DNAAF5: variants seen among roughly 807,000 people sequenced by gnomAD.
The protein encoded by DNAAF5 is HEAT repeat containing 2.
Under a neutral mutation model 75.8 loss-of-function variants are expected in DNAAF5, and 64 were observed. The ratio of observed to expected loss-of-function variants is 0.84; its 90% confidence interval spans 0.69 to 1.04. The LOEUF (loss-of-function observed/expected upper bound fraction) is 1.04. Among genes scored for constraint, DNAAF5 ranks in the 50% least tolerant of loss-of-function variants. DNAAF5 has a pLI of 0.00. For missense variants in DNAAF5, 1,269 were observed against 1,178.5 expected (o/e 1.08, Z -1.12); for synonymous variants, 657 against 557.2 (o/e 1.18, Z -2.52).
At chr7:769,322 C>A (rs1778473502) in intron 8 of DNAAF5, 6 of 649,528 alleles carry the variant, frequency 9.2e-6, no homozygotes, top group Middle Eastern at 2.8e-4. Context: ...AGCTCCTGGG[C>A]CTGCAGGCTG....
rs534795463 is a variant in DNAAF5 at position 752,068 on chromosome 7, T to G, written c.1025-2521T>G. Among the ~76,000 whole-genome samples, 4 of 152,312 alleles carry G rather than the reference T, an allele frequency of 2.6e-5. No homozygotes were observed. The East Asian group carries it at 7.7e-4, about 29-fold the overall frequency. Reference sequence around the variant, plus strand: ...ACCACAGTCATGGGGCCACGTGGTGTTGGCTTTCAGACCGATGAGCAGAAC... The same window carrying G: ...ACCACAGTCATGGGGCCACGTGGTGGTGGCTTTCAGACCGATGAGCAGAAC... On this transcript the variant is annotated intron_variant, in intron 4 of 12. Coordinates refer to ENST00000297440, the MANE Select transcript of DNAAF5 (RefSeq NM_017802.4).
chr7:784,865 A>G (rs1779099198), intron 12 of DNAAF5, among the ~76,000 whole-genome samples: 1 of 152,132 alleles, frequency 6.6e-6, no homozygotes, highest in Non-Finnish European at 1.5e-5. Context: ...TCTGCCCACA[A>G]CTGCCAGGAG....
At chr7:784,187 C>T (rs1307216737) in intron 12 of DNAAF5, among the ~76,000 whole-genome samples, 3 of 152,202 alleles carry the variant, frequency 2.0e-5, no homozygotes, top group Non-Finnish European at 4.4e-5. Flanking sequence ...CACGCACCCT[C>T]CTCTGGCTGC....
At position 739,103 on chromosome 7, in the gene DNAAF5, C is replaced by CTGA. The variant is rs1562377082; in HGVS notation, c.781-1716_781-1715insTGA. On this transcript the variant is annotated intron_variant, in intron 2 of 12. Transcript: ENST00000297440. ...GGCTTGTCTCAGCCACGCCCTCTGC[C>CTGA]CCATCACTGTATACCTGTTTGGGCT... Among the ~76,000 whole-genome samples the CTGA allele has an allele frequency of 2.2e-3, 223 of 101,224 alleles. 1 individual carries two copies. Among genetic ancestry groups the CTGA allele is most frequent in the South Asian group, 4.0e-3 (8 of 2,020 alleles). 66.4% of individuals were successfully genotyped at this position (101,224 alleles called of 152,430 possible). A position where few individuals can be genotyped will look rare whatever the true frequency, so the allele number is the denominator to read the frequency against.
In DNAAF5 at chr7:727,091, G is replaced by A; in HGVS notation, c.371G>A (p.Arg124His). The change falls in exon 1 of 13, where the codon CGC (arginine) becomes CAC (histidine). Residue 124 changes from arginine to histidine, a missense_variant. Transcript: ENST00000297440. ...CGCCTGCTGCCCGCGCTCGCCGCGC[G>A]CTTGGCCGGCCCCGTGCCCGCGCGC... ...LPRLLPALAARLAGPVPARRP... is the reference protein window; with the variant it reads ...LPRLLPALAAHLAGPVPARRP... 1 of 1,055,228 alleles carries A rather than the reference G, an allele frequency of 9.5e-7. No individual in the cohort carries two copies. Among genetic ancestry groups the A allele is most frequent in the Non-Finnish European group, 1.1e-6 (1 of 878,264 alleles). The allele number at this position is 1,055,228 out of a possible 1,614,324, so 65.4% of individuals were successfully genotyped here.
intron 10 of DNAAF5, 148 bp downstream of exon 10, chr7:774,346 T>C: frequency 1.1e-6 from 1 of 880,064 alleles, no homozygotes; most frequent in Non-Finnish European, 1.7e-6. Context: ...CTCCCCACAC[T>C]GGCGGCGGAA....
intron 6 of DNAAF5, 46 bp from the exon 7 acceptor site, chr7:761,707 C>T (rs745331611): frequency 1.6e-5 from 25 of 1,551,784 alleles, no homozygotes; most frequent in Non-Finnish European, 2.1e-5. Context: ...GGTGGGGACA[C>T]GACCAAATTG....
intron 2 of DNAAF5, among the ~76,000 whole-genome samples, chr7:731,830 C>T (rs967084860): frequency 6.6e-6 from 1 of 152,122 alleles, no homozygotes; most frequent in Non-Finnish European, 1.5e-5. Context: ...ACGTGAGTTT[C>T]GTGTGGAGTC....
intron 4 of DNAAF5, among the ~76,000 whole-genome samples, chr7:753,057 C>G (rs770882933): frequency 1.3e-5 from 2 of 152,262 alleles, no homozygotes; most frequent in Non-Finnish European, 2.9e-5. Flanking sequence ...GAGCGTACCG[C>G]GTGCCGCTGA....
intron 8 of DNAAF5, among the ~76,000 whole-genome samples, chr7:770,041 T>TC (rs1778502538): frequency 6.6e-6 from 1 of 152,166 alleles, no homozygotes; most frequent in African/African-American, 2.4e-5. Flanking sequence ...AACCTCCACC[T>TC]CCCAGGTTCA....
chr7:774,766 C>G (rs1276452621), intron 10 of DNAAF5, among the ~76,000 whole-genome samples: 3 of 152,208 alleles, frequency 2.0e-5, no homozygotes, highest in Non-Finnish European at 2.9e-5. Context: ...AGCCATTACC[C>G]TGGTTTAGGG....
In DNAAF5 at chr7:755,618, G is replaced by A. The variant is rs150819512; in HGVS notation, c.1257+797G>A. Among the ~76,000 whole-genome samples, 13 of 152,276 alleles carry A rather than the reference G, an allele frequency of 8.5e-5. No individual in the cohort carries two copies. The East Asian group carries it at 2.5e-3, about 29-fold the overall frequency. Reference sequence around the variant, plus strand: ...GTAGTGGCGTGCACCTGTGGTTCCAGCTCCCGGGAGGCTGAGGTGGGAGGA... The same window carrying A: ...GTAGTGGCGTGCACCTGTGGTTCCAACTCCCGGGAGGCTGAGGTGGGAGGA... On this transcript the variant is annotated intron_variant, in intron 5 of 12. Transcript: ENST00000297440.
At chr7:781,069 ATG>A (rs1018107614) in intron 12 of DNAAF5, among the ~76,000 whole-genome samples, 3 of 152,092 alleles carry the variant, frequency 2.0e-5, no homozygotes, top group Admixed American at 1.3e-4. Context: ...TTATGTTTAA[ATG>A]TGTGATAAAT....
In DNAAF5 at chr7:775,174, C is replaced by T. The variant is rs780970194; in HGVS notation, c.2239+12C>T. 17 of 1,613,608 alleles carry T rather than the reference C, an allele frequency of 1.1e-5. No individual in the cohort carries two copies. Among genetic ancestry groups the T allele is most frequent in the Non-Finnish European group, 1.4e-5 (16 of 1,179,564 alleles). On this transcript the variant is annotated intron_variant, in intron 11 of 12. Coordinates refer to ENST00000297440, the MANE Select transcript of DNAAF5 (RefSeq NM_017802.4). ...CAGGATTTATCCTGGTAGGACATTT[C>T]TGTTGTTCACAGCCTGTGTATATGC...
chr7:755,992 A>C (rs1266306618), intron 5 of DNAAF5, among the ~76,000 whole-genome samples: 25 of 60,500 alleles, frequency 4.1e-4, no homozygotes, highest in Non-Finnish European at 7.7e-4. Context: ...CCCACAGTGC[A>C]GAGGGGCTGG....
At chr7:760,741 G>A (rs1016470555) in intron 6 of DNAAF5, among the ~76,000 whole-genome samples, 12 of 152,362 alleles carry the variant, frequency 7.9e-5, no homozygotes, top group African/African-American at 1.4e-4. Context: ...TGTGTTGCGG[G>A]CTTCAGAGCC....
chr7:770,470 G>GGCCCTGCCCTGGGAGAA lies in DNAAF5; in HGVS notation c.1792_1808dup (p.His604TrpfsTer12). On this transcript the variant is annotated frameshift_variant and splice_region_variant. Transcript: ENST00000297440. LOFTEE classifies it high-confidence loss of function. ...ACAGGAGCCTCTGTTGTGTCTTACAGGCCCTGCCCTGGGAGAAGCCCTGCC... is the reference window on the plus strand; with the variant it reads ...ACAGGAGCCTCTGTTGTGTCTTACAGGCCCTGCCCTGGGAGAAGCCCTGCCCTGGGAGAAGCCCTGCC... 6.2e-7 allele frequency: 1 copy of GGCCCTGCCCTGGGAGAA among 1,612,846 alleles called. No individual in the cohort carries two copies. Among genetic ancestry groups the GGCCCTGCCCTGGGAGAA allele is most frequent in the Non-Finnish European group, 8.5e-7 (1 of 1,179,694 alleles).
In DNAAF5 at chr7:749,373, C is replaced by G. The variant is rs552178349; in HGVS notation, c.1025-5216C>G. On this transcript the variant is annotated intron_variant, in intron 4 of 12. Coordinates refer to ENST00000297440, the MANE Select transcript of DNAAF5 (RefSeq NM_017802.4). ...AAAGCGTCTCGATGCTGGTGAGTGG[C>G]CGGCCAGAGCTTTTCACACAGGAGG... Among the ~76,000 whole-genome samples, 19 of 152,304 alleles carry G rather than the reference C, an allele frequency of 1.2e-4. No individual in the cohort carries two copies. The South Asian group carries it at 3.9e-3, about 32-fold the overall frequency.
chr7:743,374 A>AAAACAAAC (rs145813645), intron 4 of DNAAF5, among the ~76,000 whole-genome samples: 1 of 150,382 alleles, frequency 6.6e-6, no homozygotes, highest in South Asian at 2.1e-4. Flanking sequence ...GACCCCGTTT[A>AAAACAAAC]AAACAAACAA....
Sources: gnomAD v4.1 joint callset for allele counts (sites outside exome capture counted in the v4.1 genomes callset) on GRCh38, gnomAD v4.1.1 for gene constraint, MANE v1.5 for transcripts, NCBI Gene and HGNC (gene_info 2026-07-23, HGNC 2026-07-21) for gene names.